The following AIG1 variants were observed in gnomAD, a reference collection of about 807,000 sequenced individuals.
The protein encoded by AIG1 is androgen induced 1.
A neutral mutation model predicts 31.4 loss-of-function variants in AIG1; 23 were observed. The ratio of observed to expected loss-of-function variants is 0.73; its 90% confidence interval spans 0.53 to 1.04. The LOEUF is 1.04. AIG1 is among the 50% of genes least tolerant of loss of function. The probability of loss-of-function intolerance (pLI) is 0.00; values close to 1 mark genes in which losing one functional copy is unlikely to be tolerated. For synonymous variants in AIG1, 100 were observed against 110.5 expected (o/e 0.90, Z 0.60); for missense variants, 274 against 295.0 (o/e 0.93, Z 0.52).
chr6:143,228,220 T>C (rs1473843860), intron 3 of AIG1, among the ~76,000 whole-genome samples: 1 of 152,188 alleles, frequency 6.6e-6, no homozygotes, highest in Admixed American at 6.5e-5. Context: ...CTCTCATAGT[T>C]TACTGTTCTC....
intron 2 of AIG1, among the ~76,000 whole-genome samples, chr6:143,143,017 A>T (rs1784370227): frequency 1.3e-5 from 2 of 152,348 alleles, no homozygotes; most frequent in South Asian, 4.1e-4. Context: ...ACAACTTAAA[A>T]ATCGCAGTTT....
At chr6:143,270,804 C>A (rs1796464156) in intron 3 of AIG1, among the ~76,000 whole-genome samples, 1 of 152,014 alleles carries the variant, frequency 6.6e-6, no homozygotes, top group South Asian at 2.1e-4. Context: ...TGTGTGTGTG[C>A]ACATTTGTGT....
At chr6:143,138,609 G>T (rs1416488455) in intron 2 of AIG1, among the ~76,000 whole-genome samples, 1 of 152,006 alleles carries the variant, frequency 6.6e-6, no homozygotes, top group Admixed American at 6.6e-5. Flanking sequence ...CAATAAAAAA[G>T]TAGGCCAGGC....
intron 3 of AIG1, among the ~76,000 whole-genome samples, chr6:143,235,431 G>A (rs1316359298): frequency 1.3e-5 from 2 of 152,166 alleles, no homozygotes; most frequent in Non-Finnish European, 2.9e-5. Context: ...ATAATGGCAG[G>A]GAAGGTATGT....
intron 2 of AIG1, 101 bp downstream of exon 2, chr6:143,137,091 T>C: frequency 8.0e-7 from 1 of 1,245,390 alleles, no homozygotes; most frequent in Non-Finnish European, 1.0e-6. Flanking sequence ...GGTTTCTGTA[T>C]TATTAGTTTG....
intron 3 of AIG1, among the ~76,000 whole-genome samples, chr6:143,196,645 G>T (rs1790267680): frequency 6.6e-6 from 1 of 152,130 alleles, no homozygotes; most frequent in Admixed American, 6.5e-5. Flanking sequence ...TGGACTTTGG[G>T]CTCCAGGCGT....
intron 3 of AIG1, among the ~76,000 whole-genome samples, chr6:143,182,023 C>G (rs758714464): frequency 8.0e-5 from 12 of 149,184 alleles, no homozygotes; most frequent in Non-Finnish European, 1.6e-4. Flanking sequence ...CTTTTTTTTT[C>G]TTTTTTTTCT....
intron 3 of AIG1, among the ~76,000 whole-genome samples, chr6:143,181,303 T>G (rs1034612095): frequency 2.0e-5 from 3 of 152,164 alleles, no homozygotes; most frequent in Non-Finnish European, 4.4e-5. Context: ...GACTCTCAAA[T>G]GGACCTCCCA....
In AIG1 at chr6:143,099,334, A is replaced by G. The variant is rs111520165; in HGVS notation, c.142-37501A>G. Reference sequence around the variant, plus strand: ...TGTAGATACTCTGTCTGCATTAGCCAAACTTGCTATGCTCTGTTCCCTAGA... The same window carrying G: ...TGTAGATACTCTGTCTGCATTAGCCGAACTTGCTATGCTCTGTTCCCTAGA... On this transcript the variant is annotated intron_variant, in intron 1 of 5. Coordinates refer to ENST00000357847, the MANE Select transcript of AIG1 (RefSeq NM_016108.4). The G allele has an allele frequency of 3.1e-3, 478 of 152,366 alleles. 5 individuals carry two copies. The highest frequency in any genetic ancestry group is 0.011 in the African/African-American group (459 of 41,600). 9.4% of individuals were successfully genotyped at this position (152,366 alleles called of 1,614,324 possible).
At chr6:143,071,680 TC>T (rs1777279317) in intron 1 of AIG1, among the ~76,000 whole-genome samples, 2 of 150,306 alleles carry the variant, frequency 1.3e-5, no homozygotes, top group Non-Finnish European at 3.0e-5. Context: ...TAGTGGTGGT[TC>T]TTTTTTTGTT....
chr6:143,193,038 T>C (rs1020697034), intron 3 of AIG1, among the ~76,000 whole-genome samples: 1 of 152,208 alleles, frequency 6.6e-6, no homozygotes, highest in African/African-American at 2.4e-5. Flanking sequence ...CTGTCCATGA[T>C]GGTGCAACCA....
In AIG1 at chr6:143,145,537, T is replaced by A. The variant is rs190460124; in HGVS notation, c.297+8547T>A. ...TCTCTTCATCAGGTGAAGAGATTATTCCCAGAAGCTCCACCTGCAGATTTC... is the reference window on the plus strand; with the variant it reads ...TCTCTTCATCAGGTGAAGAGATTATACCCAGAAGCTCCACCTGCAGATTTC... On this transcript the variant is annotated intron_variant, in intron 2 of 5. Coordinates refer to ENST00000357847, the MANE Select transcript of AIG1 (RefSeq NM_016108.4). 1.9e-3 allele frequency among the ~76,000 whole-genome samples: 286 copies of A among 152,272 alleles called. 6 individuals are homozygous for A. The highest frequency in any genetic ancestry group is 6.7e-3 in the African/African-American group (277 of 41,562).
chr6:143,175,742 T>G (rs1788080608), intron 3 of AIG1, among the ~76,000 whole-genome samples: 1 of 152,240 alleles, frequency 6.6e-6, no homozygotes, highest in African/African-American at 2.4e-5. Flanking sequence ...TTAAGTTGGA[T>G]TCCACCTTTC....
chr6:143,315,215 G>A (rs372312489), intron 4 of AIG1, among the ~76,000 whole-genome samples: 2 of 152,046 alleles, frequency 1.3e-5, no homozygotes, highest in African/African-American at 4.8e-5. Context: ...GGGTAAATGC[G>A]ACAGCTGCAA....
rs1172561652 is a variant in AIG1 at position 143,330,680 on chromosome 6, G to A, written c.516-2602G>A. On this transcript the variant is annotated intron_variant, in intron 4 of 5. Coordinates refer to ENST00000357847, the MANE Select transcript of AIG1 (RefSeq NM_016108.4). The surrounding 1 kb of genome is among the most constrained non-coding windows in gnomAD (Gnocchi z 4.4). ...ACTCACATTTAATCCAGATCCATCC[G>A]ACTGCTCCAGTGCAAACACCCTGTA... Among the ~76,000 whole-genome samples, 1 of 152,106 alleles carries A rather than the reference G, an allele frequency of 6.6e-6. No homozygotes were observed. Among genetic ancestry groups the A allele is most frequent in the Admixed American group, 6.6e-5 (1 of 15,262 alleles).
At chr6:143,270,409 T>C (rs1462560645) in intron 3 of AIG1, among the ~76,000 whole-genome samples, 2 of 152,234 alleles carry the variant, frequency 1.3e-5, no homozygotes, top group Non-Finnish European at 2.9e-5. Flanking sequence ...TAGAGGCCTT[T>C]CTCCACCTAT....
intron 1 of AIG1, among the ~76,000 whole-genome samples, chr6:143,081,378 T>A (rs1440223561): frequency 1.3e-5 from 2 of 152,052 alleles, no homozygotes; most frequent in Non-Finnish European, 2.9e-5. Flanking sequence ...AATTATTTCA[T>A]GAATTAGTAC....
chr6:143,084,512 C>G (rs1778587293), intron 1 of AIG1, among the ~76,000 whole-genome samples: 1 of 152,146 alleles, frequency 6.6e-6, no homozygotes, highest in Non-Finnish European at 1.5e-5. Flanking sequence ...ACCTGCTCCT[C>G]CTGATCTCTA....
Position 143,326,586 on chromosome 6 carries a change from A to C in AIG1, c.516-6696A>C, listed in dbSNP as rs1776632537. 6.6e-6 allele frequency among the ~76,000 whole-genome samples: 1 copy of C among 152,352 alleles called. No individual in the cohort carries two copies. The highest frequency in any genetic ancestry group is 1.5e-5 in the Non-Finnish European group (1 of 68,030). On this transcript the variant is annotated intron_variant, in intron 4 of 5. Transcript: ENST00000357847. This position sits in a 1 kb window ranked among gnomAD's most constrained non-coding sequence, Gnocchi z 4.5. ...ATTTAAATAAAGATATTCAAATTTA[A>C]GTATGAATAAAAGAGCTTTAAAAAT...
Sources: gnomAD v4.1 joint callset for allele counts (sites outside exome capture counted in the v4.1 genomes callset) on GRCh38, gnomAD v4.1.1 for gene constraint, Gnocchi (gnomAD v3.1) non-coding constraint, MANE v1.5 for transcripts, NCBI Gene and HGNC (gene_info 2026-07-23, HGNC 2026-07-21) for gene names.